Variants in BMPR1B observed in about 807,000 individuals in gnomAD.
The protein encoded by BMPR1B is bone morphogenetic protein receptor type 1B.
In BMPR1B, 12 loss-of-function variants were observed where a neutral mutation model predicts 59.1. The observed-to-expected ratio is 0.20, with a 90% CI of 0.13 to 0.33. BMPR1B has a LOEUF of 0.33. BMPR1B is among the 10% of genes least tolerant of loss of function. The pLI is 1.00. For missense variants in BMPR1B, 550 were observed against 610.9 expected (o/e 0.90, Z 1.05); for synonymous variants, 237 against 207.3 (o/e 1.14, Z -1.23).
At chr4:94,986,371 C>T (rs1288664950) in intron 2 of BMPR1B, among the ~76,000 whole-genome samples, 1 of 152,154 alleles carries the variant, frequency 6.6e-6, no homozygotes, top group Non-Finnish European at 1.5e-5. Context: ...AGAGTACATT[C>T]CTGTCAGTTT....
chr4:95,078,751 C>A (rs1465083610), intron 3 of BMPR1B, among the ~76,000 whole-genome samples: 1 of 152,042 alleles, frequency 6.6e-6, no homozygotes, highest in Non-Finnish European at 1.5e-5. Flanking sequence ...ATCTGTATTT[C>A]TTTCTTTTTT....
Position 94,922,324 on chromosome 4 carries a change from C to T in BMPR1B, c.-113+46424C>T, listed in dbSNP as rs186001998. On this transcript the variant is annotated intron_variant, in intron 2 of 12. Coordinates refer to ENST00000515059, the MANE Select transcript of BMPR1B (RefSeq NM_001203.3). ...TAACATGTGGATACCTCTTGTGGGA[C>T]GTGTGCGTGTGTGTATGAGAGAGAG... Among the ~76,000 whole-genome samples, 1,122 of 151,674 alleles carry T rather than the reference C, an allele frequency of 7.4e-3. 16 individuals are homozygous for T. Among genetic ancestry groups the T allele is most frequent in the African/African-American group, 0.026 (1,075 of 41,308 alleles).
At chr4:94,889,189 A>C (rs1334567190) in intron 2 of BMPR1B, among the ~76,000 whole-genome samples, 1 of 152,108 alleles carries the variant, frequency 6.6e-6, no homozygotes. Flanking sequence ...CAAATGTGTT[A>C]TCTAAAAGGG....
intron 3 of BMPR1B, among the ~76,000 whole-genome samples, chr4:94,997,472 A>G (rs547660214): frequency 1.4e-4 from 22 of 152,328 alleles, no homozygotes; most frequent in African/African-American, 5.1e-4. Flanking sequence ...GTGCAGTATC[A>G]CTTTTGTTGA....
intron 1 of BMPR1B, among the ~76,000 whole-genome samples, chr4:94,820,869 C>T (rs1296767639): frequency 1.3e-5 from 2 of 152,118 alleles, no homozygotes; most frequent in Non-Finnish European, 2.9e-5. Context: ...ACATATGTTG[C>T]TAAAATTAGA....
intron 3 of BMPR1B, among the ~76,000 whole-genome samples, chr4:95,017,086 C>G (rs1006001287): frequency 1.3e-5 from 2 of 152,186 alleles, no homozygotes; most frequent in Non-Finnish European, 2.9e-5. Flanking sequence ...CCCACGAAGA[C>G]TCAGCTGTTT....
chr4:94,839,901 G>A (rs1445868644), intron 1 of BMPR1B, among the ~76,000 whole-genome samples: 1 of 151,728 alleles, frequency 6.6e-6, no homozygotes, highest in Admixed American at 6.6e-5. Flanking sequence ...GCTGGTACCG[G>A]TTGTTCCTTT....
intron 2 of BMPR1B, among the ~76,000 whole-genome samples, chr4:94,876,612 C>T (rs930324855): frequency 2.6e-5 from 4 of 151,994 alleles, no homozygotes; most frequent in African/African-American, 9.7e-5. Flanking sequence ...AGAAAATTGC[C>T]CAGGATTATG....
chr4:94,957,246 G>T (rs1217607619), intron 2 of BMPR1B, among the ~76,000 whole-genome samples: 1 of 151,708 alleles, frequency 6.6e-6, no homozygotes, highest in Non-Finnish European at 1.5e-5. Flanking sequence ...GCCTTCCATG[G>T]CGGTATATGA....
chr4:95,093,163 A>G (rs1250246185), intron 3 of BMPR1B, among the ~76,000 whole-genome samples: 2 of 152,102 alleles, frequency 1.3e-5, no homozygotes, highest in Non-Finnish European at 2.9e-5. Context: ...GATGTTGCAT[A>G]TTTTTAAATC....
intron 1 of BMPR1B, among the ~76,000 whole-genome samples, chr4:94,865,291 A>G (rs1385378097): frequency 6.6e-6 from 1 of 151,990 alleles, no homozygotes; most frequent in African/African-American, 2.4e-5. Context: ...TTTTATGGAT[A>G]TATTTTAGGT....
At chr4:95,075,305 A>G (rs1445402614) in intron 3 of BMPR1B, among the ~76,000 whole-genome samples, 1 of 152,130 alleles carries the variant, frequency 6.6e-6, no homozygotes, top group Non-Finnish European at 1.5e-5. Context: ...TTCACTTCTA[A>G]TAATTATTTT....
chr4:94,819,626 A>G (rs1326458450), intron 1 of BMPR1B, among the ~76,000 whole-genome samples: 1 of 152,170 alleles, frequency 6.6e-6, no homozygotes, highest in African/African-American at 2.4e-5. Flanking sequence ...CTTCTCCCCG[A>G]GGACCTAGAT....
intron 2 of BMPR1B, among the ~76,000 whole-genome samples, chr4:94,982,319 C>CA (rs1317030765): frequency 6.0e-5 from 9 of 150,936 alleles, no homozygotes; most frequent in Non-Finnish European, 1.3e-4. Context: ...AAAAACAAAA[C>CA]AAACAAACCA....
intron 2 of BMPR1B, among the ~76,000 whole-genome samples, chr4:94,945,526 T>A (rs969625914): frequency 6.6e-6 from 1 of 152,130 alleles, no homozygotes; most frequent in Non-Finnish European, 1.5e-5. Flanking sequence ...CCTCTAACCC[T>A]GGCTCAAGGG....
At chr4:94,816,875 G>A (rs991494747) in intron 1 of BMPR1B, among the ~76,000 whole-genome samples, 2 of 152,124 alleles carry the variant, frequency 1.3e-5, no homozygotes, top group Non-Finnish European at 2.9e-5. Context: ...TGTAAAGATA[G>A]GTAATGCCAT....
At chr4:94,962,620 G>A (rs1730414565) in intron 2 of BMPR1B, among the ~76,000 whole-genome samples, 1 of 151,876 alleles carries the variant, frequency 6.6e-6, no homozygotes, top group African/African-American at 2.4e-5. Context: ...TTAACATAAT[G>A]TCCTCCAGTT....
intron 4 of BMPR1B, among the ~76,000 whole-genome samples, chr4:95,108,870 T>C (rs1731399181): frequency 1.3e-5 from 2 of 152,130 alleles, no homozygotes; most frequent in South Asian, 4.1e-4. Flanking sequence ...TTCCAGATTC[T>C]ACTCCTAGGA....
In BMPR1B at chr4:95,154,680, A is replaced by G. The variant is rs377255740; in HGVS notation, c.*7A>G. 2 of 1,613,974 alleles carry G rather than the reference A, an allele frequency of 1.2e-6. No individual in the cohort carries two copies. Among genetic ancestry groups the G allele is most frequent in the Non-Finnish European group, 1.7e-6 (2 of 1,179,902 alleles). ...CCAGGACATTAAACTCTGATAGGAG[A>G]GGAAAAGTAAGCATCTCTGCAGAAA... On this transcript the variant is annotated 3_prime_UTR_variant, in exon 13 of 13. Coordinates refer to ENST00000515059, the MANE Select transcript of BMPR1B (RefSeq NM_001203.3).
Sources: allele counts gnomAD v4.1 joint callset (sites outside exome capture counted in the v4.1 genomes callset), GRCh38; gene constraint gnomAD v4.1.1; transcripts MANE v1.5; gene names NCBI Gene and HGNC (gene_info 2026-07-23, HGNC 2026-07-21).